The following TUT4 variants were observed in gnomAD, a reference collection of about 807,000 sequenced individuals.
The protein encoded by TUT4 is terminal uridylyl transferase 4, also known as terminal uridylyltransferase 4.
In TUT4, 36 loss-of-function variants were observed where a neutral mutation model predicts 192.2. The ratio of observed to expected loss-of-function variants is 0.19; its 90% CI spans 0.14 to 0.25. TUT4 has a LOEUF of 0.25. TUT4 is among the 10% of genes least tolerant of loss of function. TUT4 has a pLI of 1.00. For missense variants in TUT4, 1,493 were observed against 1,957.2 expected (o/e 0.76, Z 4.47); for synonymous variants, 618 against 666.0 (o/e 0.93, Z 1.11).
At chr1:52,450,951 G>C (rs1196497467) in intron 20 of TUT4, among the ~76,000 whole-genome samples, 3 of 152,134 alleles carry the variant, frequency 2.0e-5, no homozygotes, top group East Asian at 3.9e-4. Flanking sequence ...CCTATTTAAA[G>C]CCTAAACAAC....
rs1191715149 is a variant in TUT4 at position 52,457,601 on chromosome 1, C to T, written c.3435+735G>A. On this transcript the variant is annotated intron_variant, in intron 20 of 29. Coordinates refer to ENST00000257177, the MANE Select transcript of TUT4 (RefSeq NM_001009881.3). ...GTGAAACCAGAATATGTGACTTTTC[C>T]AACCAAGTCTGATGCTTGTCTCCTA... Among the ~76,000 whole-genome samples the T allele has an allele frequency of 3.3e-5, 5 of 152,142 alleles. No individual in the cohort carries two copies. In the East Asian group the frequency reaches 9.6e-4, roughly 29 times the overall value.
chr1:52,462,676 C>T, intron 16 of TUT4: 2 of 971,570 alleles, frequency 2.1e-6, no homozygotes, highest in Non-Finnish European at 2.4e-6. Flanking sequence ...GCCTTTAAAT[C>T]TGTGAGTTAT....
chr1:52,440,706 G>A (rs1032875349), intron 24 of TUT4, among the ~76,000 whole-genome samples: 16 of 151,998 alleles, frequency 1.1e-4, no homozygotes, highest in South Asian at 4.2e-4. Context: ...CAGTTAGGGC[G>A]GCCTACACCT....
chr1:52,436,259 G>A (rs946398406), intron 26 of TUT4, among the ~76,000 whole-genome samples: 6 of 152,296 alleles, frequency 3.9e-5, no homozygotes, highest in Middle Eastern at 3.4e-3. Context: ...GCCAAGGTGG[G>A]TGGATCACCT....
chr1:52,443,538 G>T (rs540434598), intron 24 of TUT4, among the ~76,000 whole-genome samples: 46 of 151,240 alleles, frequency 3.0e-4, no homozygotes, highest in African/African-American at 9.2e-4. Context: ...GTGGTGAGCC[G>T]AGATCGCGCC....
At chr1:52,486,837 T>G (rs1669914569) in intron 9 of TUT4, among the ~76,000 whole-genome samples, 1 of 152,158 alleles carries the variant, frequency 6.6e-6, no homozygotes, top group Admixed American at 6.5e-5. Flanking sequence ...GGAAACAATA[T>G]TTATGGGCCA....
rs769227117 is a variant in TUT4 at position 52,526,222 on chromosome 1, C to A, written c.59G>T (p.Cys20Phe). 2.5e-6 allele frequency: 4 copies of A among 1,596,772 alleles called. No individual in the cohort carries two copies. Among genetic ancestry groups the A allele is most frequent in the Middle Eastern group, 3.3e-4 (2 of 6,010 alleles). ...ENHEPKKNVI[C>F]EESKAVQVIG... Reference sequence around the variant, plus strand: ...AACTTGAACTGCTTTGCTTTCTTCACAAATAACATTCTTCTTTGGTTCATG... The same window carrying A: ...AACTTGAACTGCTTTGCTTTCTTCAAAAATAACATTCTTCTTTGGTTCATG... Residue 20 changes from cysteine to phenylalanine, a missense_variant, in exon 2 of 30, where the codon TGT becomes TTT. Coordinates refer to ENST00000257177, the MANE Select transcript of TUT4 (RefSeq NM_001009881.3).
chr1:52,539,736 G>A (rs368473082), intron 1 of TUT4, among the ~76,000 whole-genome samples: 235 of 151,824 alleles, frequency 1.5e-3, no homozygotes, highest in African/African-American at 5.3e-3. Flanking sequence ...GTGAAACCCT[G>A]TCTCTACCAA....
At chr1:52,533,890 TG>T (rs1471344425) in intron 1 of TUT4, among the ~76,000 whole-genome samples, 1 of 152,120 alleles carries the variant, frequency 6.6e-6, no homozygotes, top group African/African-American at 2.4e-5. Flanking sequence ...CGTTTGAACC[TG>T]GGAGGCGGAG....
At chr1:52,475,668 C>T (rs565429309) in intron 12 of TUT4, 133 bp from the exon 13 acceptor site, 1 of 782,736 alleles carries the variant, frequency 1.3e-6, no homozygotes, top group Non-Finnish European at 1.9e-6. Flanking sequence ...AAGCTAGACT[C>T]CCAGTGAAAG....
chr1:52,429,279 G>A (rs962143773), intron 28 of TUT4, among the ~76,000 whole-genome samples: 1 of 151,646 alleles, frequency 6.6e-6, no homozygotes, highest in African/African-American at 2.4e-5. Flanking sequence ...TAGAGACGGG[G>A]TTTCACCGTG....
intron 4 of TUT4, among the ~76,000 whole-genome samples, chr1:52,499,474 G>A (rs149078672): frequency 1.3e-5 from 2 of 152,296 alleles, no homozygotes; most frequent in African/African-American, 4.8e-5. Flanking sequence ...GGTGGCTCAT[G>A]CCAGTAATCC....
At chr1:52,464,928 T>G in intron 16 of TUT4, 142 bp downstream of exon 16, 2 of 557,742 alleles carry the variant, frequency 3.6e-6, no homozygotes, top group Non-Finnish European at 5.9e-6. Flanking sequence ...ATGCTACTGT[T>G]TTCATATTTC....
In TUT4 at chr1:52,503,042, C is replaced by T. The variant is rs955058454; in HGVS notation, c.1000-5859G>A. On this transcript the variant is annotated intron_variant, in intron 4 of 29. Transcript: ENST00000257177. ...CAGATGTTATGTCATTTAATTCTCA[C>T]AATATTACTCCCCAGATAGATACTA... Among the ~76,000 whole-genome samples, 3 of 152,160 alleles carry T rather than the reference C, an allele frequency of 2.0e-5. No individual in the cohort carries two copies. The East Asian group carries it at 5.8e-4, about 29-fold the overall frequency.
intron 1 of TUT4, among the ~76,000 whole-genome samples, chr1:52,540,162 T>C (rs1204610649): frequency 6.7e-6 from 1 of 149,218 alleles, no homozygotes; most frequent in African/African-American, 2.5e-5. Flanking sequence ...GAGACTGCAG[T>C]GAGCCAAGAT....
At chr1:52,528,367 T>C (rs2149486457) in intron 1 of TUT4, among the ~76,000 whole-genome samples, 1 of 151,910 alleles carries the variant, frequency 6.6e-6, no homozygotes, top group African/African-American at 2.4e-5. Context: ...GGCATGCGCC[T>C]GTAGTCCCAG....
intron 1 of TUT4, among the ~76,000 whole-genome samples, chr1:52,534,036 G>A (rs1557989607): frequency 6.6e-6 from 1 of 152,208 alleles, no homozygotes; most frequent in East Asian, 1.9e-4. Context: ...TTCATTCTAT[G>A]TAGACGGATA....
rs200887652 is a variant in TUT4, at chr1:52,474,924, T to C, written c.2635A>G (p.Thr879Ala). 49 of 1,614,070 alleles carry C rather than the reference T, an allele frequency of 3.0e-5. No homozygotes were observed. Among genetic ancestry groups the C allele is most frequent in the Non-Finnish European group, 4.0e-5 (47 of 1,180,044 alleles). ...TSATSCNCKATEDASDLNDDD... is the reference protein window; with the variant it reads ...TSATSCNCKAAEDASDLNDDD... Reference sequence around the variant, plus strand: ...TCATTAAGGTCAGAAGCATCTTCTGTAGCTTTGCAGTTGCAAGAGGTAGCA... The same window carrying C: ...TCATTAAGGTCAGAAGCATCTTCTGCAGCTTTGCAGTTGCAAGAGGTAGCA... Residue 879 changes from threonine to alanine, a missense_variant, in exon 13 of 30, where the codon ACA becomes GCA. Thr to Ala is a moderately conservative substitution (Grantham distance 58). Transcript: ENST00000257177.
In TUT4 at chr1:52,481,814, A is replaced by C; in HGVS notation, c.1625T>G (p.Leu542Arg). The C allele has an allele frequency of 6.3e-7, 1 of 1,587,024 alleles. No homozygotes were observed. Among genetic ancestry groups the C allele is most frequent in the Non-Finnish European group, 8.5e-7 (1 of 1,172,686 alleles). The change falls in exon 10 of 30, where the codon CTT becomes CGT. Residue 542 changes from leucine (L) to arginine (R), a missense_variant. By Grantham distance (102) the Leu-to-Arg change is moderately radical (BLOSUM62 -2). This residue lies in a region of TUT4 where 437 missense variants were observed against 577.6 expected (regional missense o/e 0.76). Transcript: ENST00000257177. Reference protein sequence around the residue: ...QRKPPLLPCLLGSWIEGFDPK... With the variant: ...QRKPPLLPCLRGSWIEGFDPK... ...CAAATTCATGCTTACCCAACTTCCA[A>C]GTAAGCAAGGAAGAAGAGGGGGTTT...
Sources: gnomAD v4.1 joint callset for allele counts (sites outside exome capture counted in the v4.1 genomes callset) on GRCh38, gnomAD v4.1.1 for gene constraint, gnomAD v4.1.1 regional missense constraint, MANE v1.5 for transcripts, NCBI Gene and HGNC (gene_info 2026-07-23, HGNC 2026-07-21) for gene names.